PLG: variants seen among roughly 807,000 people sequenced by gnomAD.
PLG encodes the protein plasmin.
In PLG, 41 loss-of-function variants were observed where a neutral mutation model predicts 104.4. That is an observed-to-expected ratio of 0.39 (90% CI 0.31 to 0.51). The LOEUF is 0.51. Ranked by LOEUF, PLG falls within the 20% of genes least tolerant of loss-of-function variation. PLG has a pLI of 0.76. For missense variants in PLG, 891 were observed against 1,003.6 expected (o/e 0.89, Z 1.52); for synonymous variants, 337 against 357.1 (o/e 0.94, Z 0.63).
At position 160,740,208 on chromosome 6, in the gene PLG, G is replaced by A. The variant is rs1031059783; in HGVS notation, c.2018+1000G>A. On this transcript the variant is annotated intron_variant, in intron 16 of 18. Coordinates refer to ENST00000308192, the MANE Select transcript of PLG (RefSeq NM_000301.5). This position sits in a 1 kb window ranked among gnomAD's most constrained non-coding sequence, Gnocchi z 5.2. ...CTGGGTCTGTGAACTGAGGGGTGATGTCCTGGGATGCTCTGACACTCTAGA... is the reference window on the plus strand; with the variant it reads ...CTGGGTCTGTGAACTGAGGGGTGATATCCTGGGATGCTCTGACACTCTAGA... 1.3e-5 allele frequency among the ~76,000 whole-genome samples: 2 copies of A among 152,206 alleles called. No homozygotes were observed. Among genetic ancestry groups the A allele is most frequent in the South Asian group, 2.1e-4 (1 of 4,826 alleles).
chr6:160,722,117 C>G (rs540325458), intron 9 of PLG, among the ~76,000 whole-genome samples: 1 of 152,326 alleles, frequency 6.6e-6, no homozygotes, highest in South Asian at 2.1e-4. Flanking sequence ...CCCTCGTGTT[C>G]TCATGAACAC....
In PLG at chr6:160,706,041, G is replaced by A. The variant is rs560357959; in HGVS notation, c.50-366G>A. ...ATAATTTCAACTTTTAGAGTCAGGGGTACATGTGCAGGTGTGTTACATAAC... is the reference window on the plus strand; with the variant it reads ...ATAATTTCAACTTTTAGAGTCAGGGATACATGTGCAGGTGTGTTACATAAC... On this transcript the variant is annotated intron_variant, in intron 1 of 18. Transcript: ENST00000308192. 2.6e-4 allele frequency: 66 copies of A among 257,996 alleles called. 1 individual carries two copies. Among genetic ancestry groups the A allele is most frequent in the Middle Eastern group, 2.7e-3 (2 of 730 alleles). 16.0% of individuals were successfully genotyped at this position (257,996 alleles called of 1,614,324 possible).
In PLG at chr6:160,741,557, T is replaced by C. The variant is rs1208643630; in HGVS notation, c.2125+140T>C. 1.4e-6 allele frequency: 1 copy of C among 698,970 alleles called. No homozygotes were observed. Among genetic ancestry groups the C allele is most frequent in the Non-Finnish European group, 2.7e-6 (1 of 376,746 alleles). The allele number at this position is 698,970 out of a possible 1,614,324, so 43.3% of individuals were successfully genotyped here. On this transcript the variant is annotated intron_variant, in intron 17 of 18. Transcript: ENST00000308192. The surrounding 1 kb of genome is among the most constrained non-coding windows in gnomAD (Gnocchi z 4.7). ...CCACTCCTGATTTTGCCTGGGCACC[T>C]GTCTATGTCTTAATCAGTCTTCAAG...
At chr6:160,709,074 G>A (rs1006499278) in intron 3 of PLG, among the ~76,000 whole-genome samples, 3 of 152,078 alleles carry the variant, frequency 2.0e-5, no homozygotes, top group South Asian at 2.1e-4. Flanking sequence ...AATGACTGTA[G>A]GTTGAGTTTG....
chr6:160,724,117 T>A lies in PLG; in HGVS notation c.1256+1550T>A, dbSNP rs553638786. On this transcript the variant is annotated intron_variant, in intron 10 of 18. Transcript: ENST00000308192. The surrounding 1 kb of genome is among the most constrained non-coding windows in gnomAD (Gnocchi z 5.0). Reference sequence around the variant, plus strand: ...GACATACAAAAAGCATTTACTGTGATCCATAACCAGGAGAAAAAGCACTCA... The same window carrying A: ...GACATACAAAAAGCATTTACTGTGAACCATAACCAGGAGAAAAAGCACTCA... 6.6e-6 allele frequency among the ~76,000 whole-genome samples: 1 copy of A among 152,124 alleles called. No individual in the cohort carries two copies. Among genetic ancestry groups the A allele is most frequent in the Non-Finnish European group, 1.5e-5 (1 of 68,020 alleles).
Position 160,741,487 on chromosome 6 carries a change from T to C in PLG, c.2125+70T>C. 2.1e-6 allele frequency: 2 copies of C among 970,280 alleles called. No individual in the cohort carries two copies. The highest frequency in any genetic ancestry group is 3.3e-6 in the Non-Finnish European group (2 of 600,200). 60.1% of individuals were successfully genotyped at this position (970,280 alleles called of 1,614,324 possible). A position where few individuals can be genotyped will look rare whatever the true frequency, so the allele number is the denominator to read the frequency against. ...ACAGTCCATGTGACAAAATGATCAT[T>C]TTGGAGAAAGCTGTGCAAATTCCTA... On this transcript the variant is annotated intron_variant, in intron 17 of 18. Coordinates refer to ENST00000308192, the MANE Select transcript of PLG (RefSeq NM_000301.5). This position sits in a 1 kb window ranked among gnomAD's most constrained non-coding sequence, Gnocchi z 4.7.
Position 160,718,740 on chromosome 6 carries a change from C to T in PLG, c.998C>T (p.Pro333Leu). 6.2e-7 allele frequency: 1 copy of T among 1,613,842 alleles called. No individual in the cohort carries two copies. The change falls in exon 9 of 19, where the codon CCA becomes CTA. Residue 333 changes from proline (P) to leucine (L), a missense_variant. Physicochemically the swap from Pro to Leu is moderately conservative, Grantham distance 98. Around this residue, in one of 2 missense-constraint regions of PLG, gnomAD observed 854 missense variants for 932.1 expected, o/e 0.92. Transcript: ENST00000308192. ...CGCAATCCTGACGGAAAAAGGGCCC[C>T]ATGGTGCCATACAACCAACAGCCAA... ...YCRNPDGKRAPWCHTTNSQVR... is the reference protein window; with the variant it reads ...YCRNPDGKRALWCHTTNSQVR...
intron 3 of PLG, among the ~76,000 whole-genome samples, chr6:160,710,767 A>AC (rs1286161458): frequency 6.6e-6 from 1 of 151,132 alleles, no homozygotes; most frequent in Admixed American, 6.6e-5. Context: ...ATTTCCTGTA[A>AC]CCCCCCTGCC....
chr6:160,718,197 A>G (rs1777773197), intron 7 of PLG, 97 bp from the exon 8 acceptor site: 2 of 1,026,140 alleles, frequency 1.9e-6, no homozygotes, highest in East Asian at 2.4e-5. Flanking sequence ...GGTTGCAGTG[A>G]GCTGAGATCG....
At position 160,738,972 on chromosome 6, in the gene PLG, C is replaced by T; in HGVS notation, c.1878-96C>T. 2 of 1,451,836 alleles carry T rather than the reference C, an allele frequency of 1.4e-6. No individual in the cohort carries two copies. Among genetic ancestry groups the T allele is most frequent in the South Asian group, 1.1e-5 (1 of 87,388 alleles). The allele number at this position is 1,451,836 out of a possible 1,614,324, so 89.9% of individuals were successfully genotyped here. A position where few individuals can be genotyped will look rare whatever the true frequency, so the allele number is the denominator to read the frequency against. ...CTCAGAAGTCACTAATTCTGAGTGGCCAAGGGTGTCAGGGAGACAGCACCA... is the reference window on the plus strand; with the variant it reads ...CTCAGAAGTCACTAATTCTGAGTGGTCAAGGGTGTCAGGGAGACAGCACCA... On this transcript the variant is annotated intron_variant, in intron 15 of 18. Transcript: ENST00000308192. The surrounding 1 kb of genome is among the most constrained non-coding windows in gnomAD (Gnocchi z 6.8).
rs184737617 is a variant in PLG, at chr6:160,750,083, G to A, written c.2126-2032G>A. Reference sequence around the variant, plus strand: ...TTTTCTACATGTCAATAATGACATTGAAGCAATGGGTGTTCTCTGCTTCTC... The same window carrying A: ...TTTTCTACATGTCAATAATGACATTAAAGCAATGGGTGTTCTCTGCTTCTC... On this transcript the variant is annotated intron_variant, in intron 17 of 18. Transcript: ENST00000308192. Among the ~76,000 whole-genome samples the A allele has an allele frequency of 2.6e-4, 40 of 152,340 alleles. 1 individual carries two copies. Among genetic ancestry groups the A allele is most frequent in the African/African-American group, 9.4e-4 (39 of 41,578 alleles).
At chr6:160,706,655 T>C (rs898553354) in intron 2 of PLG, 113 bp downstream of exon 2, 74 of 1,080,694 alleles carry the variant, frequency 6.8e-5, no homozygotes, top group Middle Eastern at 6.1e-4. Flanking sequence ...GAGCCAGAGT[T>C]TGGAACTATA....
rs147042213 is a variant in PLG, at chr6:160,741,465, G to A, written c.2125+48G>A. ...CATAACGAATTGGTTTTGACCTACA[G>A]TCCATGTGACAAAATGATCATTTTG... On this transcript the variant is annotated intron_variant, in intron 17 of 18. Transcript: ENST00000308192. The surrounding 1 kb of genome is among the most constrained non-coding windows in gnomAD (Gnocchi z 4.7). The A allele has an allele frequency of 9.8e-5, 102 of 1,043,250 alleles. 1 individual carries two copies. The East Asian group carries it at 2.2e-3, about 22-fold the overall frequency. 64.6% of individuals were successfully genotyped at this position (1,043,250 alleles called of 1,614,324 possible).
At chr6:160,718,033 C>T (rs897672249) in intron 7 of PLG, among the ~76,000 whole-genome samples, 1 of 152,104 alleles carries the variant, frequency 6.6e-6, no homozygotes, top group Non-Finnish European at 1.5e-5. Context: ...GGGCGGATCA[C>T]GAGGTCAGGA....
intron 9 of PLG, among the ~76,000 whole-genome samples, chr6:160,721,011 G>A (rs1777819877): frequency 6.6e-6 from 1 of 151,938 alleles, no homozygotes; most frequent in Non-Finnish European, 1.5e-5. Context: ...TCAGCCCATT[G>A]AGAGAATTCT....
chr6:160,705,384 G>A (rs1194480535), intron 1 of PLG: 1 of 152,140 alleles, frequency 6.6e-6, no homozygotes, highest in Non-Finnish European at 1.5e-5. Flanking sequence ...CAGATTCGTT[G>A]TCTCAGATTT....
intron 3 of PLG, chr6:160,708,082 T>A (rs1777565494): frequency 6.2e-6 from 2 of 323,152 alleles, no homozygotes; most frequent in Non-Finnish European, 1.2e-5. Context: ...ATAAGATTTT[T>A]AAAATATTAT....
Position 160,736,962 on chromosome 6 carries a change from T to C in PLG, c.1757T>C (p.Val586Ala), listed in dbSNP as rs1481792306. 1.4e-5 allele frequency: 22 copies of C among 1,613,900 alleles called. No homozygotes were observed. The highest frequency in any genetic ancestry group is 1.7e-4 in the Middle Eastern group (1 of 5,998). The change falls in exon 14 of 19, where the codon GTG (valine) becomes GCG (alanine). Residue 586 changes from valine (V) to alanine (A), a missense_variant. Around this residue, in one of 2 missense-constraint regions of PLG, gnomAD observed 854 missense variants for 932.1 expected, o/e 0.92. Coordinates refer to ENST00000308192, the MANE Select transcript of PLG (RefSeq NM_000301.5). This position sits in a 1 kb window ranked among gnomAD's most constrained non-coding sequence, Gnocchi z 5.2. The part of the protein sequence containing the change: ...KCPGRVVGGC[V>A]AHPHSWPWQV... ...CCTGGAAGGGTTGTAGGGGGGTGTGTGGCCCACCCACATTCCTGGCCCTGG... is the reference window on the plus strand; with the variant it reads ...CCTGGAAGGGTTGTAGGGGGGTGTGCGGCCCACCCACATTCCTGGCCCTGG...
chr6:160,713,900 C>T (rs543275608), intron 5 of PLG, among the ~76,000 whole-genome samples: 71 of 152,252 alleles, frequency 4.7e-4, no homozygotes, highest in African/African-American at 1.7e-3. Flanking sequence ...ACTGAAAAAA[C>T]TGTCATCGTT....
Sources: allele counts gnomAD v4.1 joint callset (sites outside exome capture counted in the v4.1 genomes callset), GRCh38; gene constraint gnomAD v4.1.1; regional missense constraint gnomAD v4.1.1; non-coding constraint Gnocchi (gnomAD v3.1); transcripts MANE v1.5; gene names NCBI Gene and HGNC (gene_info 2026-07-23, HGNC 2026-07-21).